SLC36A1: variants seen among roughly 807,000 people sequenced by gnomAD.
SLC36A1 encodes the protein proton-coupled amino acid transporter 1.
SLC36A1 carries 30 observed loss-of-function variants against 47.5 expected under a neutral mutation model. The observed-to-expected ratio is 0.63, with a 90% confidence interval of 0.47 to 0.86. SLC36A1 has a LOEUF of 0.86. Among genes scored for constraint, SLC36A1 ranks in the 40% least tolerant of loss-of-function variants. The probability of loss-of-function intolerance (pLI) is 0.00; values close to 1 mark genes in which losing one functional copy is unlikely to be tolerated. For synonymous variants in SLC36A1, 255 were observed against 249.7 expected (o/e 1.02, Z -0.20); for missense variants, 517 against 606.0 (o/e 0.85, Z 1.54).
intron 10 of SLC36A1, among the ~76,000 whole-genome samples, chr5:151,487,407 GGTCGTCGT>G (rs1166061777): frequency 6.6e-6 from 1 of 152,080 alleles, no homozygotes; most frequent in Non-Finnish European, 1.5e-5. Flanking sequence ...ACAGAGATAC[GGTCGTCGT>G]GTGGGGCTTC....
intron 1 of SLC36A1, among the ~76,000 whole-genome samples, chr5:151,454,544 C>T (rs925820877): frequency 6.6e-6 from 1 of 152,202 alleles, no homozygotes; most frequent in African/African-American, 2.4e-5. Flanking sequence ...GATAAGGGAA[C>T]AGGCTTTCTC....
the SLC36A1 span, among the ~76,000 whole-genome samples, chr5:151,410,753 A>G: frequency 6.9e-6 from 1 of 144,402 alleles, no homozygotes; most frequent in Non-Finnish European, 1.5e-5. Flanking sequence ...GACCTTTTAT[A>G]TTTTATAGTC....
intron 1 of SLC36A1, among the ~76,000 whole-genome samples, chr5:151,454,083 ATTTTTTTTT>A (rs35097474): frequency 7.5e-4 from 66 of 88,092 alleles, no homozygotes; most frequent in African/African-American, 2.3e-3. Context: ...GTACACTTAA[ATTTTTTTTT>A]TTTTTTTTTT....
the SLC36A1 span, chr5:151,543,731 G>C: frequency 6.2e-7 from 1 of 1,614,194 alleles, no homozygotes; most frequent in Non-Finnish European, 8.5e-7. Context: ...ATGTACACAG[G>C]CACAGTTGCT....
At chr5:151,379,278 G>A in the SLC36A1 span, among the ~76,000 whole-genome samples, 1 of 152,198 alleles carries the variant, frequency 6.6e-6, no homozygotes, top group Admixed American at 6.5e-5. Flanking sequence ...CATTTTATGA[G>A]CCAAGTAGGC....
At chr5:151,382,907 G>A in the SLC36A1 span, among the ~76,000 whole-genome samples, 1 of 152,248 alleles carries the variant, frequency 6.6e-6, no homozygotes, top group South Asian at 2.1e-4. Context: ...CAAGGCCAGA[G>A]GAGACTATAT....
the SLC36A1 span, among the ~76,000 whole-genome samples, chr5:151,371,933 C>T: frequency 1.3e-5 from 2 of 152,072 alleles, no homozygotes; most frequent in Non-Finnish European, 2.9e-5. Flanking sequence ...TTTGTTGTGA[C>T]TGTTACACTC....
chr5:151,467,597 G>T (rs993151405), intron 6 of SLC36A1, 110 bp from the exon 7 acceptor site: 5 of 866,144 alleles, frequency 5.8e-6, no homozygotes, highest in Non-Finnish European at 9.3e-6. Flanking sequence ...GATTCTAAAA[G>T]GCCTTGTTCA....
intron 9 of SLC36A1, chr5:151,476,973 G>C: frequency 1.5e-6 from 1 of 686,460 alleles, no homozygotes; most frequent in Non-Finnish European, 2.6e-6. Flanking sequence ...GTGCTGATCA[G>C]CCGATGGGTA....
At chr5:151,448,087 G>A (rs1753093005) in intron 1 of SLC36A1, among the ~76,000 whole-genome samples, 1 of 152,358 alleles carries the variant, frequency 6.6e-6, no homozygotes, top group East Asian at 1.9e-4. Context: ...TCCAGCAAAT[G>A]TCTTGCCCGC....
At chr5:151,456,901 G>A (rs955314592) in intron 1 of SLC36A1, among the ~76,000 whole-genome samples, 2 of 152,208 alleles carry the variant, frequency 1.3e-5, no homozygotes, top group African/African-American at 4.8e-5. Context: ...GGCAGGTGGT[G>A]CTGGGTGTCG....
At chr5:151,466,379 A>C (rs1468477472) in intron 5 of SLC36A1, among the ~76,000 whole-genome samples, 1 of 152,214 alleles carries the variant, frequency 6.6e-6, no homozygotes. Context: ...AGTTTTTTGC[A>C]CAGATTGACC....
At chr5:151,505,385 C>T in the SLC36A1 span, 4 of 710,854 alleles carry the variant, frequency 5.6e-6, no homozygotes, top group Middle Eastern at 3.8e-4. Flanking sequence ...TCCTCAGCTT[C>T]CCTCCACCCT....
chr5:151,371,558 C>T, the SLC36A1 span, among the ~76,000 whole-genome samples: 1 of 152,056 alleles, frequency 6.6e-6, no homozygotes, highest in East Asian at 1.9e-4. Context: ...GAAATTTATT[C>T]TACTTTAGAG....
At chr5:151,458,328 ATATATGGGATATT>A (rs1754956598) in intron 1 of SLC36A1, among the ~76,000 whole-genome samples, 2 of 101,828 alleles carry the variant, frequency 2.0e-5, no homozygotes, top group African/African-American at 6.8e-5. Context: ...ATATATATAT[ATATATGGGATATT>A]TATATATATA....
chr5:151,487,989 TG>T lies in SLC36A1; in HGVS notation c.1168del (p.Ala390ProfsTer17). ...ATGTCCTCTCTCCCTGCAGGCATCTTGGCCATCCTCATCCCCCGCCTGGACC... is the reference window on the plus strand; with the variant it reads ...ATGTCCTCTCTCCCTGCAGGCATCTTGCCATCCTCATCCCCCGCCTGGACC... ...RTVLVCLTCI[L>X]AILIPRLDLV... On this transcript the variant is annotated frameshift_variant, in exon 11 of 11. Transcript: ENST00000243389. LOFTEE classifies it high-confidence loss of function. The T allele has an allele frequency of 2.5e-6, 4 of 1,614,034 alleles. No homozygotes were observed. The highest frequency in any genetic ancestry group is 1.7e-4 in the Middle Eastern group (1 of 5,968).
chr5:151,517,687 T>A, the SLC36A1 span: 1 of 1,614,134 alleles, frequency 6.2e-7, no homozygotes, highest in Non-Finnish European at 8.5e-7. Context: ...TGTTTTCAGA[T>A]AGAAATGGAT....
the SLC36A1 span, chr5:151,382,171 G>A: frequency 5.5e-5 from 56 of 1,020,170 alleles, no homozygotes; most frequent in Non-Finnish European, 7.6e-5. Flanking sequence ...GCTTTGGTGT[G>A]CATGGCACTG....
At chr5:151,506,527 G>A in the SLC36A1 span, among the ~76,000 whole-genome samples, 1 of 152,202 alleles carries the variant, frequency 6.6e-6, no homozygotes, top group Non-Finnish European at 1.5e-5. Context: ...GATGTGGCTC[G>A]GAAATCAGGA....
Sources: gnomAD v4.1 joint callset for allele counts (sites outside exome capture counted in the v4.1 genomes callset) on GRCh38, gnomAD v4.1.1 for gene constraint, MANE v1.5 for transcripts, NCBI Gene and HGNC (gene_info 2026-07-23, HGNC 2026-07-21) for gene names.